The following FGF10 variants were observed in gnomAD, a reference collection of about 807,000 sequenced individuals.
FGF10 encodes fibroblast growth factor 10.
A neutral mutation model predicts 19.8 loss-of-function variants in FGF10; 2 were observed. The ratio of observed to expected loss-of-function variants is 0.10; its 90% confidence interval spans 0.04 to 0.32. The LOEUF is 0.32. Among genes scored for constraint, FGF10 ranks in the 10% least tolerant of loss-of-function variants. FGF10 has a pLI of 1.00. For synonymous variants in FGF10, 112 were observed against 94.0 expected (o/e 1.19, Z -1.10); for missense variants, 191 against 246.3 (o/e 0.78, Z 1.50).
intron 1 of FGF10, among the ~76,000 whole-genome samples, chr5:44,332,531 A>C (rs1740758602): frequency 6.6e-6 from 1 of 152,186 alleles, no homozygotes; most frequent in Non-Finnish European, 1.5e-5. Context: ...TTGGGAAATA[A>C]ATGCAATGCC....
chr5:44,306,908 G>T (rs1157787970), intron 2 of FGF10, among the ~76,000 whole-genome samples: 1 of 152,178 alleles, frequency 6.6e-6, no homozygotes, highest in Non-Finnish European at 1.5e-5. Flanking sequence ...AATCCTTAGT[G>T]TGGATTTACT....
At chr5:44,376,182 C>T (rs868592844) in intron 1 of FGF10, among the ~76,000 whole-genome samples, 23 of 151,896 alleles carry the variant, frequency 1.5e-4, no homozygotes, top group Non-Finnish European at 1.9e-4. Flanking sequence ...ATTCTTCCAA[C>T]AGTGGTGAGG....
chr5:44,375,027 C>A (rs1014039244), intron 1 of FGF10, among the ~76,000 whole-genome samples: 1 of 152,020 alleles, frequency 6.6e-6, no homozygotes, highest in Non-Finnish European at 1.5e-5. Context: ...TTACTTCAAC[C>A]ATCATTTTAG....
chr5:44,341,024 G>A (rs895157765), intron 1 of FGF10, among the ~76,000 whole-genome samples: 3 of 151,800 alleles, frequency 2.0e-5, no homozygotes, highest in African/African-American at 7.3e-5. Flanking sequence ...CATTTAATAT[G>A]AGAAAAATAT....
chr5:44,344,116 A>G lies in FGF10; in HGVS notation c.326-33586T>C, dbSNP rs78881152. ...GGGCCAACAGAACAAGCCAGGTTGG[A>G]TGGCCAGAGATCTGGTCAGAGTGCA... On this transcript the variant is annotated intron_variant, in intron 1 of 2. Coordinates refer to ENST00000264664, the MANE Select transcript of FGF10 (RefSeq NM_004465.2). Among the ~76,000 whole-genome samples the G allele has an allele frequency of 5.1e-4, 77 of 152,042 alleles. No individual in the cohort carries two copies. In the East Asian group the frequency reaches 0.011, roughly 22 times the overall value.
Position 44,302,147 on chromosome 5 carries a change from G to A in FGF10, c.*2848C>T, listed in dbSNP as rs1739977631. On this transcript the variant is annotated 3_prime_UTR_variant, in exon 3 of 3. Coordinates refer to ENST00000264664, the MANE Select transcript of FGF10 (RefSeq NM_004465.2). ...TTTTTTTCTTCAGTAGTTGCAAAAG[G>A]GACCAGAATTCTATTTCCATTTCAA... Among the ~76,000 whole-genome samples the A allele has an allele frequency of 2.0e-5, 3 of 151,618 alleles. No homozygotes were observed. Among genetic ancestry groups the A allele is most frequent in the South Asian group, 4.2e-4 (2 of 4,802 alleles).
At chr5:44,373,705 T>C (rs17233980) in intron 1 of FGF10, among the ~76,000 whole-genome samples, 265 of 152,270 alleles carry the variant, frequency 1.7e-3, no homozygotes, top group African/African-American at 6.0e-3. Flanking sequence ...CTGTTTATGA[T>C]GTTATATGTA....
chr5:44,314,056 G>T (rs532970897), intron 1 of FGF10, among the ~76,000 whole-genome samples: 1 of 152,172 alleles, frequency 6.6e-6, no homozygotes, highest in East Asian at 1.9e-4. Context: ...GGGGTTCCAC[G>T]ATCAAATTAT....
chr5:44,357,385 T>C (rs1741374127), intron 1 of FGF10, among the ~76,000 whole-genome samples: 1 of 151,428 alleles, frequency 6.6e-6, no homozygotes, highest in Non-Finnish European at 1.5e-5. Flanking sequence ...AGTTTATAGA[T>C]ATAAAAGTTG....
chr5:44,356,400 T>G (rs1741348586), intron 1 of FGF10, among the ~76,000 whole-genome samples: 1 of 151,512 alleles, frequency 6.6e-6, no homozygotes. Context: ...ACACAATGCA[T>G]TCAGTGTTGT....
chr5:44,358,274 T>C lies in FGF10; in HGVS notation c.325+30084A>G, dbSNP rs142232418. Among the ~76,000 whole-genome samples the C allele has an allele frequency of 1.2e-4, 18 of 151,600 alleles. No individual in the cohort carries two copies. The East Asian group carries it at 3.1e-3, about 26-fold the overall frequency. The stretch of plus-strand genomic sequence containing the variant: ...TAGGATGGCTTCCAGTGCCACAATG[T>C]ATGTTGAAATTCTGGGTAAACATTG... On this transcript the variant is annotated intron_variant, in intron 1 of 2. Transcript: ENST00000264664.
intron 1 of FGF10, among the ~76,000 whole-genome samples, chr5:44,317,710 T>C (rs1184834008): frequency 2.0e-5 from 3 of 152,172 alleles, no homozygotes; most frequent in Non-Finnish European, 4.4e-5. Context: ...ATCAATAGAT[T>C]TGGTAAACTT....
Position 44,328,380 on chromosome 5 carries a change from C to T in FGF10, c.326-17850G>A, listed in dbSNP as rs528864884. The stretch of plus-strand genomic sequence containing the variant: ...AGATACTTATTTATCAGATTCTGTA[C>T]ATTTCCCTTAACCCTTACAATTATC... On this transcript the variant is annotated intron_variant, in intron 1 of 2. Coordinates refer to ENST00000264664, the MANE Select transcript of FGF10 (RefSeq NM_004465.2). Among the ~76,000 whole-genome samples the T allele has an allele frequency of 5.3e-5, 8 of 152,296 alleles. No individual in the cohort carries two copies. In the South Asian group the frequency reaches 1.7e-3, roughly 32 times the overall value.
intron 1 of FGF10, among the ~76,000 whole-genome samples, chr5:44,364,279 T>A (rs762212858): frequency 6.6e-6 from 1 of 151,860 alleles, no homozygotes; most frequent in Non-Finnish European, 1.5e-5. Context: ...ACAGGCATTG[T>A]CATAATCAAA....
Position 44,343,718 on chromosome 5 carries a change from T to C in FGF10, c.326-33188A>G, listed in dbSNP as rs796753415. Among the ~76,000 whole-genome samples the C allele has an allele frequency of 1.4e-4, 22 of 152,098 alleles. 2 individuals carry two copies. Among genetic ancestry groups the C allele is most frequent in the African/African-American group, 5.3e-4 (22 of 41,554 alleles). On this transcript the variant is annotated intron_variant, in intron 1 of 2. Coordinates refer to ENST00000264664, the MANE Select transcript of FGF10 (RefSeq NM_004465.2). The stretch of plus-strand genomic sequence containing the variant: ...AGACTTAGATTCTTTTGCCAAAACA[T>C]AGCATATAGCCACAATTTAACCATG...
rs559938410 is a variant in FGF10 at position 44,383,578 on chromosome 5, G to A, written c.325+4780C>T. On this transcript the variant is annotated intron_variant, in intron 1 of 2. Transcript: ENST00000264664. ...CAACTGTTTCCTTAGGTTTCTCCTCGTAGGAGGTTATAAATCAGGTTTATG... is the reference window on the plus strand; with the variant it reads ...CAACTGTTTCCTTAGGTTTCTCCTCATAGGAGGTTATAAATCAGGTTTATG... 3.5e-4 allele frequency among the ~76,000 whole-genome samples: 54 copies of A among 152,170 alleles called. 1 individual carries two copies. The highest frequency in any genetic ancestry group is 1.6e-4 in the Non-Finnish European group (11 of 67,916).
At chr5:44,371,455 A>T (rs190788669) in intron 1 of FGF10, among the ~76,000 whole-genome samples, 12 of 152,254 alleles carry the variant, frequency 7.9e-5, no homozygotes, top group Admixed American at 7.8e-4. Flanking sequence ...ACCCATTTTT[A>T]AAAATTGGTC....
intron 1 of FGF10, among the ~76,000 whole-genome samples, chr5:44,375,173 T>A (rs1266611291): frequency 6.6e-6 from 1 of 152,178 alleles, no homozygotes; most frequent in Non-Finnish European, 1.5e-5. Context: ...ATATGCCAAA[T>A]ACTATCTTAA....
At chr5:44,362,865 G>A (rs1201611275) in intron 1 of FGF10, among the ~76,000 whole-genome samples, 1 of 151,534 alleles carries the variant, frequency 6.6e-6, no homozygotes, top group African/African-American at 2.4e-5. Flanking sequence ...CTCTTTTTGT[G>A]CCTCCACTGC....
Sources: gnomAD v4.1 joint callset for allele counts (sites outside exome capture counted in the v4.1 genomes callset) on GRCh38, gnomAD v4.1.1 for gene constraint, MANE v1.5 for transcripts, NCBI Gene and HGNC (gene_info 2026-07-23, HGNC 2026-07-21) for gene names.